Variants in NR3C1 observed in about 807,000 individuals in gnomAD.
NR3C1 encodes glucocorticoid receptor.
In NR3C1, 14 loss-of-function variants were observed where a neutral mutation model predicts 74.0. That is an observed-to-expected ratio of 0.19 (90% confidence interval 0.12 to 0.30). NR3C1 has a LOEUF of 0.30. Among genes scored for constraint, NR3C1 ranks in the 10% least tolerant of loss-of-function variants. The pLI is 1.00. For synonymous variants in NR3C1, 308 were observed against 332.5 expected, an observed-to-expected ratio of 0.93 and a Z score of 0.80; for missense variants, 695 against 909.8, an observed-to-expected ratio of 0.76 and a Z score of 3.04.
intron 2 of NR3C1, among the ~76,000 whole-genome samples, chr5:143,323,002 C>T (rs1823698170): frequency 6.6e-6 from 1 of 152,184 alleles, no homozygotes; most frequent in Admixed American, 6.5e-5. Context: ...TCTGTGGTTT[C>T]ACTTTTGACA....
At chr5:143,316,150 T>C (rs1822027632) in intron 2 of NR3C1, among the ~76,000 whole-genome samples, 1 of 152,164 alleles carries the variant, frequency 6.6e-6, no homozygotes, top group African/African-American at 2.4e-5. Context: ...AATGGAAACT[T>C]GTGACTAATG....
At position 143,324,057 on chromosome 5, in the gene NR3C1, CT is replaced by C. The variant is rs576309629; in HGVS notation, c.1185-9890del. On this transcript the variant is annotated intron_variant, in intron 2 of 8. Coordinates refer to ENST00000394464, the MANE Select transcript of NR3C1 (RefSeq NM_000176.3). Reference sequence around the variant, plus strand: ...ACAGGCTGGCATTGAGTGTCTGTGGCTTTTCCAGGTACATGGTGCAAGTTGT... The same window carrying C: ...ACAGGCTGGCATTGAGTGTCTGTGGCTTTCCAGGTACATGGTGCAAGTTGT... Among the ~76,000 whole-genome samples the C allele has an allele frequency of 1.2e-4, 19 of 152,266 alleles. No individual in the cohort carries two copies. In the South Asian group the frequency reaches 3.5e-3, roughly 28 times the overall value.
At chr5:143,329,493 A>G (rs1825453971) in intron 2 of NR3C1, among the ~76,000 whole-genome samples, 1 of 152,188 alleles carries the variant, frequency 6.6e-6, no homozygotes, top group Admixed American at 6.5e-5. Context: ...GTCCCAGAAC[A>G]CTATATTATA....
At chr5:143,411,285 TTTTAATAATGAAGATTGAAC>T (rs1036408731) in intron 1 of NR3C1, among the ~76,000 whole-genome samples, 4 of 152,154 alleles carry the variant, frequency 2.6e-5, no homozygotes, top group Non-Finnish European at 5.9e-5. Flanking sequence ...GTAGAAGAAA[TTTTAATAATGAAGATTGAAC>T]TTAAAAGTGC....
At chr5:143,310,678 G>A (rs1244676044) in intron 3 of NR3C1, among the ~76,000 whole-genome samples, 2 of 151,958 alleles carry the variant, frequency 1.3e-5, no homozygotes, top group Non-Finnish European at 2.9e-5. Context: ...TTTTGAGATG[G>A]AGTCTCGCTC....
intron 1 of NR3C1, among the ~76,000 whole-genome samples, chr5:143,409,980 A>G (rs1213574013): frequency 6.6e-6 from 1 of 152,230 alleles, no homozygotes; most frequent in Non-Finnish European, 1.5e-5. Context: ...GGCAGAACTT[A>G]GTTTAAGCAA....
chr5:143,434,472 A>G, intron 1 of NR3C1: 2 of 919,294 alleles, frequency 2.2e-6, no homozygotes, highest in Non-Finnish European at 2.6e-6. Flanking sequence ...ACCTTTAACA[A>G]GTAACTTTGT....
chr5:143,298,478 T>C (rs866764656), intron 6 of NR3C1, among the ~76,000 whole-genome samples, 190 bp downstream of exon 6: 2 of 152,214 alleles, frequency 1.3e-5, no homozygotes, highest in Admixed American at 1.3e-4. Flanking sequence ...TAATGCCACA[T>C]GTACATTTGC....
chr5:143,297,075 CAAAAA>C (rs766243522), intron 6 of NR3C1, among the ~76,000 whole-genome samples: 31 of 60,632 alleles, frequency 5.1e-4, no homozygotes, highest in Admixed American at 3.8e-3. Context: ...AGACTCGTCT[CAAAAA>C]AAAAAAAAAA....
chr5:143,426,507 G>A (rs907133087), intron 1 of NR3C1, among the ~76,000 whole-genome samples: 13 of 152,070 alleles, frequency 8.5e-5, no homozygotes, highest in Non-Finnish European at 1.3e-4. Context: ...ATTAATATTC[G>A]TTTTACAAAA....
chr5:143,313,482 C>G (rs1044672620), intron 3 of NR3C1, among the ~76,000 whole-genome samples: 14 of 151,852 alleles, frequency 9.2e-5, no homozygotes, highest in Non-Finnish European at 1.6e-4. Context: ...TGTGACTTCC[C>G]AGAGGGTAAG....
chr5:143,331,597 C>T (rs576705140), intron 2 of NR3C1, among the ~76,000 whole-genome samples: 1 of 152,302 alleles, frequency 6.6e-6, no homozygotes, highest in East Asian at 1.9e-4. Flanking sequence ...GAATTCTACA[C>T]AGCGATAAAA....
chr5:143,319,267 T>C (rs1199999944), intron 2 of NR3C1, among the ~76,000 whole-genome samples: 1 of 152,196 alleles, frequency 6.6e-6, no homozygotes, highest in Non-Finnish European at 1.5e-5. Context: ...CAGTATCGCT[T>C]ACTAAATTAG....
At chr5:143,377,342 G>C (rs947037561) in intron 2 of NR3C1, among the ~76,000 whole-genome samples, 1 of 152,130 alleles carries the variant, frequency 6.6e-6, no homozygotes, top group African/African-American at 2.4e-5. Flanking sequence ...CTAGCCTTAG[G>C]GCATTACCTA....
chr5:143,412,837 A>ATACAGC, intron 1 of NR3C1, among the ~76,000 whole-genome samples: 1 of 152,364 alleles, frequency 6.6e-6, no homozygotes, highest in African/African-American at 2.4e-5. Flanking sequence ...ATTCTCAGCT[A>ATACAGC]TACAGCTACC....
rs1812969363 is a variant in NR3C1, at chr5:143,280,796, A to ATTACT, written c.*1088_*1092dup. On this transcript the variant is annotated 3_prime_UTR_variant, in exon 9 of 9. Transcript: ENST00000394464. ...TTTTGGGTAAAGTTTAGTGAGAGGA[A>ATTACT]TTACTTTGTCTGATTAAAAGTCTCT... 2 of 152,192 alleles carry ATTACT rather than the reference A, an allele frequency of 1.3e-5. No individual in the cohort carries two copies. The highest frequency in any genetic ancestry group is 4.1e-4 in the South Asian group (2 of 4,828). 9.4% of individuals were successfully genotyped at this position (152,192 alleles called of 1,614,324 possible). A position where few individuals can be genotyped will look rare whatever the true frequency, so the allele number is the denominator to read the frequency against.
intron 3 of NR3C1, among the ~76,000 whole-genome samples, chr5:143,311,313 A>G (rs1003273001): frequency 4.6e-5 from 7 of 152,032 alleles, no homozygotes; most frequent in Non-Finnish European, 7.4e-5. Flanking sequence ...AGAAAAAAAG[A>G]AAAAAAATCA....
intron 1 of NR3C1, among the ~76,000 whole-genome samples, chr5:143,409,440 A>G (rs1841223386): frequency 4.6e-5 from 7 of 152,174 alleles, no homozygotes; most frequent in Middle Eastern, 3.2e-3. Context: ...TATAAATGGG[A>G]ACCATGTATA....
intron 2 of NR3C1, among the ~76,000 whole-genome samples, chr5:143,345,251 C>T (rs1829059681): frequency 6.6e-6 from 1 of 152,184 alleles, no homozygotes; most frequent in South Asian, 2.1e-4. Context: ...AGCTCTGTCA[C>T]CAGGCCGGAG....
Sources: gnomAD v4.1 joint callset for allele counts (sites outside exome capture counted in the v4.1 genomes callset) on GRCh38, gnomAD v4.1.1 for gene constraint, MANE v1.5 for transcripts, NCBI Gene and HGNC (gene_info 2026-07-23, HGNC 2026-07-21) for gene names.